GRIA3: variants seen among roughly 807,000 people sequenced by gnomAD.
The protein encoded by GRIA3 is glutamate receptor 3.
Under a neutral mutation model 63.0 loss-of-function variants are expected in GRIA3, and 3 were observed. The ratio of observed to expected loss-of-function variants is 0.05; its 90% CI spans 0.02 to 0.12. GRIA3 has a LOEUF of 0.12. GRIA3 is among the 10% of genes least tolerant of loss of function. The pLI, the probability that GRIA3 is intolerant of heterozygous loss-of-function variation, is 1.00. For synonymous variants in GRIA3, 274 were observed against 257.9 expected (o/e 1.06, Z -0.60); for missense variants, 347 against 700.9 (o/e 0.50, Z 5.70).
chrX:123,303,515 G>T (rs370832776), intron 3 of GRIA3, among the ~76,000 whole-genome samples: 1 of 111,107 alleles, frequency 9.0e-6, no homozygotes, highest in African/African-American at 3.3e-5. Flanking sequence ...ATCTGTGAAG[G>T]CACTATGGTT....
intron 5 of GRIA3, among the ~76,000 whole-genome samples, chrX:123,393,656 A>G (rs1358999171): frequency 8.9e-6 from 1 of 112,432 alleles, no homozygotes; most frequent in Non-Finnish European, 1.9e-5. Context: ...CCCCAAAGTG[A>G]AATGGTTTGA....
At chrX:123,477,463 G>A (rs898555679) in intron 13 of GRIA3, among the ~76,000 whole-genome samples, 1 of 111,921 alleles carries the variant, frequency 8.9e-6, no homozygotes, top group Non-Finnish European at 1.9e-5. Flanking sequence ...GTATAATACA[G>A]AGAATGAGAT....
At chrX:123,371,754 TC>T in intron 5 of GRIA3, among the ~76,000 whole-genome samples, 1 of 111,648 alleles carries the variant, frequency 9.0e-6, no homozygotes, top group East Asian at 2.8e-4. Context: ...CCTATAGAGT[TC>T]CTTATATGTT....
chrX:123,224,149 G>T (rs1342835317), intron 2 of GRIA3, among the ~76,000 whole-genome samples: 1 of 111,574 alleles, frequency 9.0e-6, no homozygotes, highest in African/African-American at 3.3e-5. Context: ...CTTCTGTGAT[G>T]GGGTCTCTCT....
intron 1 of GRIA3, chrX:123,184,874 C>A (rs1199653498): frequency 4.1e-6 from 2 of 490,585 alleles, no homozygotes; most frequent in Non-Finnish European, 7.3e-6. Context: ...TCTCCTGGGG[C>A]TAGTGGGGGT....
intron 3 of GRIA3, among the ~76,000 whole-genome samples, chrX:123,268,921 G>A (rs1217830021): frequency 8.9e-6 from 1 of 112,355 alleles, no homozygotes; most frequent in African/African-American, 3.2e-5. Flanking sequence ...TCAAAATGCC[G>A]AGTATGACTG....
At chrX:123,287,699 A>T (rs773107833) in intron 3 of GRIA3, among the ~76,000 whole-genome samples, 1 of 111,959 alleles carries the variant, frequency 8.9e-6, no homozygotes, top group East Asian at 2.8e-4. Flanking sequence ...CTAAGAATAC[A>T]ACTTACAAGG....
At position 123,429,572 on chromosome X, in the gene GRIA3, CATTTA is replaced by C. The variant is rs1191589202; in HGVS notation, c.2076+1434_2076+1438del. On this transcript the variant is annotated intron_variant, in intron 12 of 15. Coordinates refer to ENST00000620443, the MANE Select transcript of GRIA3 (RefSeq NM_007325.5). ...TTTTCTGCCCCCATGAAATCACTCACATTTATCGGGGCTAGAAGCCAGGGATTTCC... is the reference window on the plus strand; with the variant it reads ...TTTTCTGCCCCCATGAAATCACTCACTCGGGGCTAGAAGCCAGGGATTTCC... Among the ~76,000 whole-genome samples the C allele has an allele frequency of 2.7e-5, 3 of 111,939 alleles. No homozygotes were observed. In the Admixed American group the frequency reaches 2.9e-4, roughly 11 times the overall value.
In GRIA3 at chrX:123,184,771, G is replaced by C. The variant is rs1404689602; in HGVS notation, c.109+127G>C. On this transcript the variant is annotated intron_variant, in intron 1 of 15. Coordinates refer to ENST00000620443, the MANE Select transcript of GRIA3 (RefSeq NM_007325.5). ...GGGAACTGGGACTGGGGCCGGGACCGGGCAGAGATGGTGCGGGGCGGGGGG... is the reference window on the plus strand; with the variant it reads ...GGGAACTGGGACTGGGGCCGGGACCCGGCAGAGATGGTGCGGGGCGGGGGG... 12 of 525,650 alleles carry C rather than the reference G, an allele frequency of 2.3e-5. No individual in the cohort carries two copies. The East Asian group carries it at 2.8e-4, about 12-fold the overall frequency. 43.3% of individuals were successfully genotyped at this position (525,650 alleles called of 1,213,427 possible). A position where few individuals can be genotyped will look rare whatever the true frequency, so the allele number is the denominator to read the frequency against.
intron 3 of GRIA3, among the ~76,000 whole-genome samples, chrX:123,287,751 C>T (rs1383738265): frequency 2.7e-5 from 3 of 111,443 alleles, no homozygotes; most frequent in Non-Finnish European, 5.7e-5. Context: ...AACCACTGAT[C>T]AAGGAAATAA....
chrX:123,478,312 A>G (rs970356833), intron 13 of GRIA3, among the ~76,000 whole-genome samples: 2 of 111,983 alleles, frequency 1.8e-5, no homozygotes. Flanking sequence ...TTATTTGAGT[A>G]TATTTTTGTT....
intron 2 of GRIA3, among the ~76,000 whole-genome samples, chrX:123,205,845 A>G (rs936901759): frequency 4.5e-5 from 5 of 111,714 alleles, no homozygotes; most frequent in African/African-American, 1.6e-4. Context: ...ATATTTAGAA[A>G]TGCCTGTGCA....
chrX:123,458,567 T>C (rs1249647369), intron 12 of GRIA3, among the ~76,000 whole-genome samples: 1 of 111,235 alleles, frequency 9.0e-6, no homozygotes, highest in Non-Finnish European at 1.9e-5. Context: ...CTCAACAAAA[T>C]GGTTTTTAAG....
chrX:123,218,797 T>TA (rs1928225070), intron 2 of GRIA3, among the ~76,000 whole-genome samples: 1 of 111,240 alleles, frequency 9.0e-6, no homozygotes, highest in Admixed American at 9.5e-5. Context: ...CCTGGTAATT[T>TA]AGGGCTCCCC....
chrX:123,439,421 T>C (rs754403361), intron 12 of GRIA3, among the ~76,000 whole-genome samples: 1 of 111,891 alleles, frequency 8.9e-6, no homozygotes, highest in African/African-American at 3.2e-5. Context: ...CGTGGTTAAC[T>C]TCTATGCCTA....
At chrX:123,292,221 T>G (rs923086831) in intron 3 of GRIA3, among the ~76,000 whole-genome samples, 5 of 111,971 alleles carry the variant, frequency 4.5e-5, no homozygotes, top group Non-Finnish European at 9.4e-5. Context: ...TCAGGATCAT[T>G]TTTAAAAACT....
At chrX:123,228,339 A>G (rs1324297730) in intron 2 of GRIA3, among the ~76,000 whole-genome samples, 1 of 111,360 alleles carries the variant, frequency 9.0e-6, no homozygotes, top group Non-Finnish European at 1.9e-5. Flanking sequence ...AAATTGTATT[A>G]TTATACATTT....
intron 12 of GRIA3, among the ~76,000 whole-genome samples, chrX:123,462,316 C>T (rs1374202638): frequency 8.9e-6 from 1 of 111,774 alleles, no homozygotes; most frequent in Non-Finnish European, 1.9e-5. Flanking sequence ...AGAATAAATC[C>T]AAACTTTTTA....
At chrX:123,371,717 T>C (rs2045248509) in intron 5 of GRIA3, among the ~76,000 whole-genome samples, 1 of 111,690 alleles carries the variant, frequency 9.0e-6, no homozygotes, top group African/African-American at 3.2e-5. Flanking sequence ...CTATTGCCCA[T>C]TTAAGGAATT....
Sources: gnomAD v4.1 joint callset for allele counts (sites outside exome capture counted in the v4.1 genomes callset) on GRCh38, gnomAD v4.1.1 for gene constraint, MANE v1.5 for transcripts, NCBI Gene and HGNC (gene_info 2026-07-23, HGNC 2026-07-21) for gene names.